The following IGSF3 variants were observed in gnomAD, a reference collection of about 807,000 sequenced individuals.
IGSF3 encodes the protein glu-Trp-Ile EWI motif-containing protein 3.
A neutral mutation model predicts 114.4 loss-of-function variants in IGSF3; 23 were observed. The ratio of observed to expected loss-of-function variants is 0.20; its 90% confidence interval spans 0.14 to 0.28. The LOEUF (loss-of-function observed/expected upper bound fraction) is 0.28. IGSF3 is among the 10% of genes least tolerant of loss of function. IGSF3 has a pLI of 1.00. For synonymous variants in IGSF3, 571 were observed against 645.2 expected, an observed-to-expected ratio of 0.88 and a Z score of 1.74; for missense variants, 1,172 against 1,591.5, an observed-to-expected ratio of 0.74 and a Z score of 4.48.
chr1:116,659,150 T>G (rs1649006233), intron 2 of IGSF3, among the ~76,000 whole-genome samples: 1 of 152,156 alleles, frequency 6.6e-6, no homozygotes, highest in African/African-American at 2.4e-5. Context: ...CATTCTCTTC[T>G]GCTACTATAA....
At chr1:116,663,953 T>A (rs1202707908) in intron 2 of IGSF3, among the ~76,000 whole-genome samples, 3 of 152,184 alleles carry the variant, frequency 2.0e-5, no homozygotes. Flanking sequence ...TTAATTCACA[T>A]TATGCAGCAA....
chr1:116,577,050 T>C lies in IGSF3; in HGVS notation c.*262A>G, dbSNP rs753212562. 12 of 452,850 alleles carry C rather than the reference T, an allele frequency of 2.6e-5. No homozygotes were observed. The highest frequency in any genetic ancestry group is 4.8e-5 in the Non-Finnish European group (12 of 251,062). 28.1% of individuals were successfully genotyped at this position (452,850 alleles called of 1,614,324 possible). A position where few individuals can be genotyped will look rare whatever the true frequency, so the allele number is the denominator to read the frequency against. On this transcript the variant is annotated 3_prime_UTR_variant, in exon 11 of 11. Transcript: ENST00000369486. The surrounding 1 kb of genome is among the most constrained non-coding windows in gnomAD (Gnocchi z 5.7). ...TGTGAGTAGATGTGGCACCTGGAGCTACTCACTACATTACTAAAAACAGAA... is the reference window on the plus strand; with the variant it reads ...TGTGAGTAGATGTGGCACCTGGAGCCACTCACTACATTACTAAAAACAGAA...
At chr1:116,641,411 G>A (rs1360408704) in intron 2 of IGSF3, among the ~76,000 whole-genome samples, 18 of 145,662 alleles carry the variant, frequency 1.2e-4, no homozygotes, top group Admixed American at 5.0e-4. Flanking sequence ...CATGAGAATC[G>A]CTTGGACCCA....
At chr1:116,601,502 T>C (rs952436908) in intron 6 of IGSF3, among the ~76,000 whole-genome samples, 4 of 152,172 alleles carry the variant, frequency 2.6e-5, no homozygotes, top group African/African-American at 7.2e-5. Context: ...TGTTTATAAA[T>C]ATTACAAATA....
At chr1:116,640,279 C>A (rs191253541) in intron 2 of IGSF3, among the ~76,000 whole-genome samples, 1 of 152,268 alleles carries the variant, frequency 6.6e-6, no homozygotes, top group East Asian at 1.9e-4. Flanking sequence ...ACATCCAGGA[C>A]TTGTCAAATC....
At chr1:116,641,024 G>A (rs544451130) in intron 2 of IGSF3, among the ~76,000 whole-genome samples, 1 of 152,290 alleles carries the variant, frequency 6.6e-6, no homozygotes, top group South Asian at 2.1e-4. Flanking sequence ...ATTAACACGT[G>A]GGAATACACC....
Position 116,623,980 on chromosome 1 carries a change from C to T in IGSF3, c.44-7523G>A, listed in dbSNP as rs867958639. ...TGTGCGCCTGTAATCCCAGCTACTC[C>T]GGAGGCTGAGGCAGGAGAATCGCTT... On this transcript the variant is annotated intron_variant, in intron 2 of 10. Transcript: ENST00000369486. Among the ~76,000 whole-genome samples, 16 of 146,854 alleles carry T rather than the reference C, an allele frequency of 1.1e-4. No homozygotes were observed. The East Asian group carries it at 1.6e-3, about 15-fold the overall frequency.
Position 116,647,191 on chromosome 1 carries a change from G to C in IGSF3, c.43+19093C>G, listed in dbSNP as rs533906442. Reference sequence around the variant, plus strand: ...CCCAGGCAGCGATGCCCAAATGACCGGCTGAGGAATCACCTCACTGCTGCC... The same window carrying C: ...CCCAGGCAGCGATGCCCAAATGACCCGCTGAGGAATCACCTCACTGCTGCC... On this transcript the variant is annotated intron_variant, in intron 2 of 10. Transcript: ENST00000369486. The surrounding 1 kb of genome is among the most constrained non-coding windows in gnomAD (Gnocchi z 4.6). 1.3e-5 allele frequency among the ~76,000 whole-genome samples: 2 copies of C among 152,194 alleles called. No individual in the cohort carries two copies. Among genetic ancestry groups the C allele is most frequent in the Non-Finnish European group, 2.9e-5 (2 of 68,038 alleles).
chr1:116,578,116 T>C (rs1659435210), intron 10 of IGSF3, among the ~76,000 whole-genome samples: 2 of 152,176 alleles, frequency 1.3e-5, no homozygotes, highest in African/African-American at 4.8e-5. Context: ...GAACACAGTA[T>C]TAGTTATAGC....
chr1:116,591,122 C>A (rs1339470723), intron 7 of IGSF3, among the ~76,000 whole-genome samples: 24 of 152,114 alleles, frequency 1.6e-4, no homozygotes, highest in Non-Finnish European at 2.9e-4. Context: ...GCAGAAAGTC[C>A]TCTAGGGCAC....
At position 116,610,954 on chromosome 1, in the gene IGSF3, A is replaced by AT. The variant is rs1156413838; in HGVS notation, c.833-2624dup. ...AAATGCAAAAGTCCCGCATGTCCTC[A>AT]TTATTGTTCCTTCCCTCCCACAGTT... On this transcript the variant is annotated intron_variant, in intron 4 of 10. Transcript: ENST00000369486. The surrounding 1 kb of genome is among the most constrained non-coding windows in gnomAD (Gnocchi z 4.3). Among the ~76,000 whole-genome samples the AT allele has an allele frequency of 3.0e-4, 46 of 152,190 alleles. No homozygotes were observed. Among genetic ancestry groups the AT allele is most frequent in the African/African-American group, 1.0e-3 (42 of 41,436 alleles).
chr1:116,598,144 C>T lies in IGSF3; in HGVS notation c.2029+1797G>A, dbSNP rs531750511. Among the ~76,000 whole-genome samples, 1 of 152,170 alleles carries T rather than the reference C, an allele frequency of 6.6e-6. No individual in the cohort carries two copies. The highest frequency in any genetic ancestry group is 1.5e-5 in the Non-Finnish European group (1 of 68,014). On this transcript the variant is annotated intron_variant, in intron 7 of 10. Coordinates refer to ENST00000369486, the MANE Select transcript of IGSF3 (RefSeq NM_001007237.3). This position sits in a 1 kb window ranked among gnomAD's most constrained non-coding sequence, Gnocchi z 4.3. ...AACAGGCAAATACTAGGGATGTATT[C>T]AAAAAGGCAATGTCAGACAAGGTCT... is the stretch of plus-strand genomic sequence containing the variant.
chr1:116,627,310 C>T lies in IGSF3; in HGVS notation c.44-10853G>A, dbSNP rs10923124. 0.065 allele frequency among the ~76,000 whole-genome samples: 9,924 copies of T among 152,194 alleles called. 1,076 individuals carry two copies. Among genetic ancestry groups the T allele is most frequent in the African/African-American group, 0.22 (9,311 of 41,464 alleles). On this transcript the variant is annotated intron_variant, in intron 2 of 10. Transcript: ENST00000369486. The surrounding 1 kb of genome is among the most constrained non-coding windows in gnomAD (Gnocchi z 4.7). Reference sequence around the variant, plus strand: ...AGCAATTACTGTTGCTATTATTTTACGCTTCATTTCTGGACCTAGGATACC... The same window carrying T: ...AGCAATTACTGTTGCTATTATTTTATGCTTCATTTCTGGACCTAGGATACC...
At position 116,634,618 on chromosome 1, in the gene IGSF3, C is replaced by T. The variant is rs1270347053; in HGVS notation, c.44-18161G>A. ...TTCATTTGTTCATGCAATTTCCCCA[C>T]CTGAGACAAAATGTATTTCCCAAAG... On this transcript the variant is annotated intron_variant, in intron 2 of 10. Coordinates refer to ENST00000369486, the MANE Select transcript of IGSF3 (RefSeq NM_001007237.3). This position sits in a 1 kb window ranked among gnomAD's most constrained non-coding sequence, Gnocchi z 4.2. Among the ~76,000 whole-genome samples the T allele has an allele frequency of 1.3e-5, 2 of 152,200 alleles. No homozygotes were observed. Among genetic ancestry groups the T allele is most frequent in the Non-Finnish European group, 2.9e-5 (2 of 68,034 alleles).
At position 116,636,592 on chromosome 1, in the gene IGSF3, T is replaced by C. The variant is rs1351142511; in HGVS notation, c.44-20135A>G. Among the ~76,000 whole-genome samples the C allele has an allele frequency of 4.6e-5, 7 of 152,164 alleles. No homozygotes were observed. Among genetic ancestry groups the C allele is most frequent in the African/African-American group, 1.7e-4 (7 of 41,444 alleles). ...GAATGAACAGTCATCTGGCCCAGAC[T>C]TGGAGAAGCTGTGATCTGTCTAGCC... On this transcript the variant is annotated intron_variant, in intron 2 of 10. Coordinates refer to ENST00000369486, the MANE Select transcript of IGSF3 (RefSeq NM_001007237.3). The surrounding 1 kb of genome is among the most constrained non-coding windows in gnomAD (Gnocchi z 4.5).
chr1:116,599,389 T>TACACACAC (rs1156653211), intron 7 of IGSF3, among the ~76,000 whole-genome samples: 45 of 120,566 alleles, frequency 3.7e-4, no homozygotes, highest in African/African-American at 1.8e-3. Context: ...GACACATACA[T>TACACACAC]ATACACACAC....
Position 116,579,504 on chromosome 1 carries a change from A to G in IGSF3, c.3222T>C (p.Asp1074=). Residue 1074 remains aspartate, a synonymous_variant, in exon 10 of 11, where the codon GAT becomes GAC. Transcript: ENST00000369486. This position sits in a 1 kb window ranked among gnomAD's most constrained non-coding sequence, Gnocchi z 6.4. The part of the protein sequence containing the change: ...RLTVLQASPQ[D]TGNYSCHVEE... ...CCACATGGCAGGAGTAATTGCCTGT[A>G]TCTTGGGGGCTTGCCTGCAGCACTG... 1 of 1,614,012 alleles carries G rather than the reference A, an allele frequency of 6.2e-7. No homozygotes were observed. Among genetic ancestry groups the G allele is most frequent in the Non-Finnish European group, 8.5e-7 (1 of 1,180,006 alleles).
chr1:116,625,394 GA>G lies in IGSF3; in HGVS notation c.44-8938del, dbSNP rs1661541472. Among the ~76,000 whole-genome samples the G allele has an allele frequency of 6.6e-6, 1 of 152,244 alleles. No individual in the cohort carries two copies. The highest frequency in any genetic ancestry group is 1.5e-5 in the Non-Finnish European group (1 of 68,040). Reference sequence around the variant, plus strand: ...AGCACAAGGGAAATATATACCACGTGAAAACACTGCAGTGCATTCCAGGATT... The same window carrying G: ...AGCACAAGGGAAATATATACCACGTGAAACACTGCAGTGCATTCCAGGATT... On this transcript the variant is annotated intron_variant, in intron 2 of 10. Transcript: ENST00000369486. This position sits in a 1 kb window ranked among gnomAD's most constrained non-coding sequence, Gnocchi z 4.7.
Position 116,600,170 on chromosome 1 carries a change from C to T in IGSF3, c.1800G>A (p.Arg600=). Residue 600 remains arginine (R), a synonymous_variant, in exon 7 of 11, where the codon CGG becomes CGA. Coordinates refer to ENST00000369486, the MANE Select transcript of IGSF3 (RefSeq NM_001007237.3). The surrounding 1 kb of genome is among the most constrained non-coding windows in gnomAD (Gnocchi z 5.5). ...VEFHDLVTFT[R]DGGVQWGDRS... is the part of the protein sequence containing the mutation. The stretch of plus-strand genomic sequence containing the variant: ...TGTCCCCCCACTGGACCCCTCCGTC[C>T]CGGGTGAAGGTCACCAAGTCATGGA... 9 of 1,614,098 alleles carry T rather than the reference C, an allele frequency of 5.6e-6. No individual in the cohort carries two copies. The highest frequency in any genetic ancestry group is 7.6e-6 in the Non-Finnish European group (9 of 1,179,996).
Sources: gnomAD v4.1 joint callset for allele counts (sites outside exome capture counted in the v4.1 genomes callset) on GRCh38, gnomAD v4.1.1 for gene constraint, Gnocchi (gnomAD v3.1) non-coding constraint, MANE v1.5 for transcripts, NCBI Gene and HGNC (gene_info 2026-07-23, HGNC 2026-07-21) for gene names.